Variants in CACNG3 observed in about 807,000 individuals in gnomAD.
CACNG3 encodes the protein calcium voltage-gated channel auxiliary subunit gamma 3, also known as voltage-dependent calcium channel gamma-3 subunit.
In CACNG3, 3 loss-of-function variants were observed where a neutral mutation model predicts 28.5. The observed-to-expected ratio is 0.11, with a 90% CI of 0.05 to 0.27. The LOEUF (loss-of-function observed/expected upper bound fraction) is 0.27, where lower values mean the gene tolerates loss of function less well. CACNG3 is among the 10% of genes least tolerant of loss of function. The probability of loss-of-function intolerance (pLI) is 1.00; values close to 1 mark genes in which losing one functional copy is unlikely to be tolerated. For synonymous variants in CACNG3, 174 were observed against 162.2 expected (o/e 1.07, Z -0.55); for missense variants, 236 against 414.4 (o/e 0.57, Z 3.74).
chr16:24,297,980 A>G (rs1049671879), intron 1 of CACNG3, among the ~76,000 whole-genome samples: 1 of 127,382 alleles, frequency 7.9e-6, no homozygotes, highest in Non-Finnish European at 1.6e-5. Context: ...TTTCTTTTTC[A>G]AAAGATCTGT....
chr16:24,339,171 G>A (rs1449411303), intron 1 of CACNG3, among the ~76,000 whole-genome samples: 1 of 152,116 alleles, frequency 6.6e-6, no homozygotes, highest in Non-Finnish European at 1.5e-5. Context: ...GGGATTAACT[G>A]AATAAAGGGT....
intron 3 of CACNG3, among the ~76,000 whole-genome samples, chr16:24,360,835 G>C (rs569533725): frequency 6.6e-6 from 1 of 152,054 alleles, no homozygotes. Context: ...TGCAGGATCC[G>C]GCTCAAATGT....
intron 1 of CACNG3, among the ~76,000 whole-genome samples, chr16:24,308,116 C>T (rs1425964607): frequency 1.3e-5 from 2 of 152,164 alleles, no homozygotes; most frequent in African/African-American, 4.8e-5. Flanking sequence ...ATCCAAAACT[C>T]CTGGGCATAA....
At chr16:24,314,923 G>A (rs1479840039) in intron 1 of CACNG3, among the ~76,000 whole-genome samples, 3 of 152,134 alleles carry the variant, frequency 2.0e-5, no homozygotes, top group Admixed American at 6.6e-5. Context: ...TTGCAAGTCT[G>A]TGAATCCCTT....
At chr16:24,289,311 A>AAAAAAG (rs1445462959) in intron 1 of CACNG3, among the ~76,000 whole-genome samples, 2 of 152,098 alleles carry the variant, frequency 1.3e-5, no homozygotes, top group Non-Finnish European at 2.9e-5. Context: ...AAAGAAAAAA[A>AAAAAAG]AAAAAGAAAA....
At chr16:24,269,785 GAAAA>G (rs371880305) in intron 1 of CACNG3, among the ~76,000 whole-genome samples, 1 of 125,888 alleles carries the variant, frequency 7.9e-6, no homozygotes, top group Admixed American at 7.7e-5. Flanking sequence ...AAGAAAGAAA[GAAAA>G]AGAAAGAAAG....
At chr16:24,339,357 TC>T (rs74421888) in intron 1 of CACNG3, among the ~76,000 whole-genome samples, 20,110 of 151,934 alleles carry the variant, frequency 0.13, 1,759 homozygotes, top group Non-Finnish European at 0.18. Context: ...TACTGTGTTT[TC>T]TCAGCTAATT....
rs1900104167 is a variant in CACNG3, at chr16:24,361,732, A to G, written c.817A>G (p.Lys273Glu). 6.2e-7 allele frequency: 1 copy of G among 1,613,784 alleles called. No individual in the cohort carries two copies. The highest frequency in any genetic ancestry group is 8.5e-7 in the Non-Finnish European group (1 of 1,179,946). ...GTTCACCCTCTCCCGGGACCCCTCAAAGATCACCATGGGGACCCTCCTCAA... is the reference window on the plus strand; with the variant it reads ...GTTCACCCTCTCCCGGGACCCCTCAGAGATCACCATGGGGACCCTCCTCAA... ...SMFTLSRDPS[K>E]ITMGTLLNSD... Residue 273 changes from lysine (K) to glutamate (E), a missense_variant, in exon 4 of 4, where the codon AAG (lysine) becomes GAG (glutamate). By Grantham distance (56) the Lys-to-Glu change is moderately conservative. Around this residue, in one of 2 missense-constraint regions of CACNG3, gnomAD observed 116 missense variants for 151.0 expected, o/e 0.77. Coordinates refer to ENST00000005284, the MANE Select transcript of CACNG3 (RefSeq NM_006539.4). This position sits in a 1 kb window ranked among gnomAD's most constrained non-coding sequence, Gnocchi z 6.8.
intron 1 of CACNG3, among the ~76,000 whole-genome samples, chr16:24,318,728 T>C (rs190793489): frequency 6.6e-6 from 1 of 152,274 alleles, no homozygotes; most frequent in African/African-American, 2.4e-5. Context: ...TTGGGCATAT[T>C]CTGGGTGCTC....
In CACNG3 at chr16:24,319,469, C is replaced by T. The variant is rs145537976; in HGVS notation, c.212-27265C>T. 5.9e-4 allele frequency among the ~76,000 whole-genome samples: 90 copies of T among 152,218 alleles called. 1 individual carries two copies. The highest frequency in any genetic ancestry group is 2.1e-3 in the African/African-American group (86 of 41,542). Reference sequence around the variant, plus strand: ...TCTTTGTGCAAAGTTATGGTTTTTGCAAGAGAAGAGGTCTTGCTTTGTCTC... The same window carrying T: ...TCTTTGTGCAAAGTTATGGTTTTTGTAAGAGAAGAGGTCTTGCTTTGTCTC... On this transcript the variant is annotated intron_variant, in intron 1 of 3. Transcript: ENST00000005284.
intron 1 of CACNG3, among the ~76,000 whole-genome samples, chr16:24,294,409 G>C (rs1899003531): frequency 6.6e-6 from 1 of 152,156 alleles, no homozygotes; most frequent in African/African-American, 2.4e-5. Flanking sequence ...GGAGAAATCT[G>C]TCTGTTCTGA....
chr16:24,357,284 C>T (rs1344544988), intron 3 of CACNG3, among the ~76,000 whole-genome samples: 1 of 149,626 alleles, frequency 6.7e-6, no homozygotes, highest in Non-Finnish European at 1.5e-5. Flanking sequence ...TCATTCATTA[C>T]CACAAGAACA....
chr16:24,310,021 A>G (rs1457689085), intron 1 of CACNG3, among the ~76,000 whole-genome samples: 1 of 152,170 alleles, frequency 6.6e-6, no homozygotes, highest in African/African-American at 2.4e-5. Context: ...CGTGTGTGAA[A>G]TGTCACTATG....
intron 1 of CACNG3, among the ~76,000 whole-genome samples, chr16:24,308,933 A>T: frequency 6.6e-6 from 1 of 151,690 alleles, no homozygotes; most frequent in Admixed American, 6.6e-5. Context: ...ATTTAAAAAT[A>T]TTTACTATGT....
At chr16:24,297,548 C>T (rs1899048411) in intron 1 of CACNG3, among the ~76,000 whole-genome samples, 1 of 152,110 alleles carries the variant, frequency 6.6e-6, no homozygotes, top group Non-Finnish European at 1.5e-5. Context: ...ACTCACTCAC[C>T]AAGTGTTTGT....
At position 24,342,233 on chromosome 16, in the gene CACNG3, A is replaced by C. The variant is rs188327130; in HGVS notation, c.212-4501A>C. 1.4e-4 allele frequency among the ~76,000 whole-genome samples: 22 copies of C among 152,300 alleles called. 1 individual carries two copies. The highest frequency in any genetic ancestry group is 1.4e-3 in the Admixed American group (22 of 15,300). The stretch of plus-strand genomic sequence containing the variant: ...CAGTAAGCTAAGATTGCACCACTGC[A>C]CTCCAGCCTGGGTGACAAAGCAAGA... On this transcript the variant is annotated intron_variant, in intron 1 of 3. Coordinates refer to ENST00000005284, the MANE Select transcript of CACNG3 (RefSeq NM_006539.4).
intron 3 of CACNG3, among the ~76,000 whole-genome samples, chr16:24,356,757 G>T (rs772783543): frequency 6.6e-6 from 1 of 152,120 alleles, no homozygotes; most frequent in Non-Finnish European, 1.5e-5. Flanking sequence ...TTGCTGGAAG[G>T]AGACTGTATT....
intron 3 of CACNG3, among the ~76,000 whole-genome samples, chr16:24,360,570 T>G (rs1447609910): frequency 6.6e-6 from 1 of 152,186 alleles, no homozygotes. Flanking sequence ...TTATTTATTG[T>G]CCCAAATTGT....
chr16:24,289,858 T>C (rs979897150), intron 1 of CACNG3, among the ~76,000 whole-genome samples: 10 of 152,242 alleles, frequency 6.6e-5, no homozygotes, highest in African/African-American at 2.4e-4. Flanking sequence ...AGTTCATCCT[T>C]ATAAAAGGCC....
Sources: gnomAD v4.1 joint callset for allele counts (sites outside exome capture counted in the v4.1 genomes callset) on GRCh38, gnomAD v4.1.1 for gene constraint, gnomAD v4.1.1 regional missense constraint, Gnocchi (gnomAD v3.1) non-coding constraint, MANE v1.5 for transcripts, NCBI Gene and HGNC (gene_info 2026-07-23, HGNC 2026-07-21) for gene names.